The following CCDC150 variants were observed in gnomAD, a reference collection of about 807,000 sequenced individuals.
The protein encoded by CCDC150 is coiled-coil domain containing 150.
CCDC150 carries 151 observed loss-of-function variants against 156.5 expected under a neutral mutation model. That is an observed-to-expected ratio of 0.97 (90% CI 0.85 to 1.10). The LOEUF (loss-of-function observed/expected upper bound fraction) is 1.10. Ranked by LOEUF, CCDC150 falls within the 50% of genes least tolerant of loss-of-function variation. The pLI is 0.00. For missense variants in CCDC150, 1,312 were observed against 1,268.1 expected, an observed-to-expected ratio of 1.03 and a Z score of -0.53; for synonymous variants, 452 against 429.4, an observed-to-expected ratio of 1.05 and a Z score of -0.65.
intron 21 of CCDC150, among the ~76,000 whole-genome samples, chr2:196,725,639 G>A (rs1014017829): frequency 6.6e-6 from 1 of 152,210 alleles, no homozygotes; most frequent in Non-Finnish European, 1.5e-5. Context: ...TTGCTATAAT[G>A]TTTTGTTTGA....
chr2:196,694,199 G>A (rs192703318), intron 13 of CCDC150, among the ~76,000 whole-genome samples: 2 of 152,038 alleles, frequency 1.3e-5, no homozygotes, highest in South Asian at 2.1e-4. Flanking sequence ...TGGGATTATA[G>A]GCATGTGCCA....
At chr2:196,650,271 C>A (rs1247229039) in intron 2 of CCDC150, among the ~76,000 whole-genome samples, 2 of 152,206 alleles carry the variant, frequency 1.3e-5, no homozygotes, top group Non-Finnish European at 2.9e-5. Flanking sequence ...ATCCTTCATT[C>A]TGTTAATACA....
chr2:196,708,276 CTT>C (rs1294169741), intron 15 of CCDC150, among the ~76,000 whole-genome samples: 1 of 152,098 alleles, frequency 6.6e-6, no homozygotes, highest in African/African-American at 2.4e-5. Flanking sequence ...TTCTTTGTCT[CTT>C]TTGATCTTTG....
At chr2:196,646,733 T>G (rs1026519890) in intron 2 of CCDC150, among the ~76,000 whole-genome samples, 1 of 152,192 alleles carries the variant, frequency 6.6e-6, no homozygotes, top group African/African-American at 2.4e-5. Flanking sequence ...GTTAATTAGG[T>G]ATACAAACTT....
At chr2:196,694,789 G>C (rs937905174) in intron 13 of CCDC150, among the ~76,000 whole-genome samples, 4 of 152,166 alleles carry the variant, frequency 2.6e-5, no homozygotes, top group African/African-American at 9.6e-5. Context: ...TTGAACCCGG[G>C]AGGCAGAGCT....
At position 196,662,869 on chromosome 2, in the gene CCDC150, G is replaced by A. The variant is rs1172468957; in HGVS notation, c.646-2698G>A. Among the ~76,000 whole-genome samples, 5 of 150,072 alleles carry A rather than the reference G, an allele frequency of 3.3e-5. No homozygotes were observed. The East Asian group carries it at 6.0e-4, about 18-fold the overall frequency. The stretch of plus-strand genomic sequence containing the variant: ...GAGGATCACTTGAGCCTGGGAGGTC[G>A]AGGCTGCAGCGATCATGCCACTGCA... On this transcript the variant is annotated intron_variant, in intron 5 of 27. Coordinates refer to ENST00000389175, the MANE Select transcript of CCDC150 (RefSeq NM_001080539.2).
Position 196,726,018 on chromosome 2 carries a change from T to C in CCDC150, c.2475T>C (p.Ala825=), listed in dbSNP as rs779212889. ...CCAAAGTGGAAGCAGAATTGCATGC[T>C]GAACGCATAGAAGCTCTAAGAAAGC... ...EESKVEAELH[A]ERIEALRKQF... The change falls in exon 22 of 28, where the codon GCT becomes GCC. Residue 825 remains alanine, a synonymous_variant. Transcript: ENST00000389175. 9 of 1,607,656 alleles carry C rather than the reference T, an allele frequency of 5.6e-6. No individual in the cohort carries two copies. The Admixed American group carries it at 1.0e-4, about 18-fold the overall frequency.
At chr2:196,725,844 C>A in intron 21 of CCDC150, 129 bp from the exon 22 acceptor site, 1 of 727,624 alleles carries the variant, frequency 1.4e-6, no homozygotes, top group Non-Finnish European at 2.1e-6. Context: ...TGAGGTTCAC[C>A]AGGCTACTGA....
At chr2:196,653,088 A>C (rs981386550) in intron 2 of CCDC150, among the ~76,000 whole-genome samples, 2 of 152,196 alleles carry the variant, frequency 1.3e-5, no homozygotes, top group African/African-American at 4.8e-5. Flanking sequence ...GGCTGCTTCA[A>C]ATATTTCTGA....
intron 23 of CCDC150, 96 bp downstream of exon 23, chr2:196,729,483 C>A: frequency 2.7e-6 from 3 of 1,101,642 alleles, no homozygotes; most frequent in Non-Finnish European, 4.1e-6. Flanking sequence ...ACCCTAGCAG[C>A]CCCATGTATT....
intron 4 of CCDC150, among the ~76,000 whole-genome samples, chr2:196,658,343 T>C (rs1011669052): frequency 9.9e-5 from 15 of 152,148 alleles, no homozygotes; most frequent in Non-Finnish European, 1.8e-4. Flanking sequence ...ACATCTGAGA[T>C]TGTGGTGCCA....
At position 196,669,817 on chromosome 2, in the gene CCDC150, G is replaced by A; in HGVS notation, c.893-16G>A. 6.4e-7 allele frequency: 1 copy of A among 1,568,618 alleles called. No homozygotes were observed. The highest frequency in any genetic ancestry group is 8.7e-7 in the Non-Finnish European group (1 of 1,143,036). On this transcript the variant is annotated splice_polypyrimidine_tract_variant and intron_variant, in intron 7 of 27. Coordinates refer to ENST00000389175, the MANE Select transcript of CCDC150 (RefSeq NM_001080539.2). The stretch of plus-strand genomic sequence containing the variant: ...AAGTTACTATTATCATAGTTATGTG[G>A]AATTTTTGTTTTTAGCTTCTAGAGA...
intron 2 of CCDC150, among the ~76,000 whole-genome samples, chr2:196,647,682 T>G (rs901302191): frequency 6.6e-6 from 1 of 152,196 alleles, no homozygotes; most frequent in Non-Finnish European, 1.5e-5. Context: ...CTATGATGCA[T>G]GCATACATTG....
intron 13 of CCDC150, among the ~76,000 whole-genome samples, chr2:196,693,508 A>G (rs1027001777): frequency 2.0e-5 from 3 of 152,208 alleles, no homozygotes; most frequent in African/African-American, 4.8e-5. Context: ...TATATCCTTC[A>G]GCCTTGACAC....
chr2:196,716,784 G>T (rs1490962295), intron 17 of CCDC150, among the ~76,000 whole-genome samples: 1 of 143,988 alleles, frequency 6.9e-6, no homozygotes, highest in East Asian at 2.1e-4. Context: ...CAGAAAAGCT[G>T]TTAAAAAAGA....
chr2:196,732,543 C>T lies in CCDC150; in HGVS notation c.3287C>T (p.Ser1096Phe). ...AGGCCCATGCCCAAGAAGTATCATT[C>T]TGAGGTACAGAGGAAGTGATGTCCT... ...NLRPMPKKYH[S>F]EVQRK The change falls in exon 28 of 28, where the codon TCT (serine) becomes TTT (phenylalanine). Residue 1096 changes from serine to phenylalanine, a missense_variant. By Grantham distance (155) the Ser-to-Phe change is radical. Coordinates refer to ENST00000389175, the MANE Select transcript of CCDC150 (RefSeq NM_001080539.2). 6.2e-7 allele frequency: 1 copy of T among 1,610,962 alleles called. No homozygotes were observed. Among genetic ancestry groups the T allele is most frequent in the Middle Eastern group, 1.7e-4 (1 of 6,056 alleles).
At chr2:196,696,671 G>A (rs1695851114) in intron 14 of CCDC150, among the ~76,000 whole-genome samples, 1 of 152,218 alleles carries the variant, frequency 6.6e-6, no homozygotes, top group Admixed American at 6.5e-5. Context: ...GACCATGCCT[G>A]CCTGGAAATG....
chr2:196,730,929 G>T lies in CCDC150; in HGVS notation c.3053G>T (p.Ser1018Ile). 2 of 1,597,574 alleles carry T rather than the reference G, an allele frequency of 1.3e-6. No individual in the cohort carries two copies. The stretch of plus-strand genomic sequence containing the variant: ...ACAGAGAATACGCTGAAAGAAGCCA[G>T]TGTGGAATCAGAACAGGTGAGCCAG... The part of the protein sequence containing the change: ...EATENTLKEA[S>I]VESEQITANL... Residue 1018 changes from serine to isoleucine, a missense_variant, in exon 26 of 28, where the codon AGT becomes ATT. Physicochemically the swap from Ser to Ile is moderately radical, Grantham distance 142. Coordinates refer to ENST00000389175, the MANE Select transcript of CCDC150 (RefSeq NM_001080539.2).
At chr2:196,657,613 G>A (rs1693292770) in intron 4 of CCDC150, among the ~76,000 whole-genome samples, 2 of 152,200 alleles carry the variant, frequency 1.3e-5, no homozygotes, top group Non-Finnish European at 2.9e-5. Flanking sequence ...GAAGGGATAG[G>A]ACCTTTAGAA....
Sources: gnomAD v4.1 joint callset for allele counts (sites outside exome capture counted in the v4.1 genomes callset) on GRCh38, gnomAD v4.1.1 for gene constraint, MANE v1.5 for transcripts, NCBI Gene and HGNC (gene_info 2026-07-23, HGNC 2026-07-21) for gene names.